The following GTSE1 variants were observed in gnomAD, a reference collection of about 807,000 sequenced individuals.
GTSE1 encodes the protein G2 and S phase-expressed protein 1.
A neutral mutation model predicts 60.5 loss-of-function variants in GTSE1; 52 were observed. The observed-to-expected ratio is 0.86, with a 90% CI of 0.69 to 1.08. GTSE1 has a LOEUF of 1.08. Ranked by LOEUF, GTSE1 falls within the 50% of genes least tolerant of loss-of-function variation. The pLI, the probability that GTSE1 is intolerant of heterozygous loss-of-function variation, is 0.00. For synonymous variants in GTSE1, 368 were observed against 386.5 expected, an observed-to-expected ratio of 0.95 and a Z score of 0.56; for missense variants, 937 against 961.8, an observed-to-expected ratio of 0.97 and a Z score of 0.34.
At chr22:46,306,460 C>G (rs184490141) in intron 2 of GTSE1, among the ~76,000 whole-genome samples, 1 of 148,708 alleles carries the variant, frequency 6.7e-6, no homozygotes, top group African/African-American at 2.5e-5. Flanking sequence ...GGATTACAGG[C>G]GTGAGCCATT....
Position 46,309,008 on chromosome 22 carries a change from G to C in GTSE1, c.762+65G>C, listed in dbSNP as rs563452761. On this transcript the variant is annotated intron_variant, in intron 4 of 11. Coordinates refer to ENST00000454366, the MANE Select transcript of GTSE1 (RefSeq NM_016426.7). The surrounding 1 kb of genome is among the most constrained non-coding windows in gnomAD (Gnocchi z 6.2). ...CTCCTTGCCCCTCAGCCCTCTCACA[G>C]AAGCCACATGCGGAAAGCCTCAGAG... 3 of 1,516,734 alleles carry C rather than the reference G, an allele frequency of 2.0e-6. No individual in the cohort carries two copies. Among genetic ancestry groups the C allele is most frequent in the South Asian group, 2.6e-5 (2 of 77,692 alleles). The allele number at this position is 1,516,734 out of a possible 1,614,324, so 94.0% of individuals were successfully genotyped here. A position where few individuals can be genotyped will look rare whatever the true frequency, so the allele number is the denominator to read the frequency against.
Position 46,305,733 on chromosome 22 carries a change from C to T in GTSE1, c.80-2417C>T, listed in dbSNP as rs538706262. On this transcript the variant is annotated intron_variant, in intron 2 of 11. Transcript: ENST00000454366. The stretch of plus-strand genomic sequence containing the variant: ...ACCAGCCTGGCCAACATGGTGAAAC[C>T]GCATCTCTACTAAAAATACGAAAAT... Among the ~76,000 whole-genome samples, 7 of 151,892 alleles carry T rather than the reference C, an allele frequency of 4.6e-5. No individual in the cohort carries two copies. In the East Asian group the frequency reaches 5.8e-4, roughly 13 times the overall value.
intron 6 of GTSE1, among the ~76,000 whole-genome samples, chr22:46,315,032 G>A (rs1472071424): frequency 6.6e-6 from 1 of 151,076 alleles, no homozygotes; most frequent in Admixed American, 6.6e-5. Context: ...GGGACTACAG[G>A]CACATGCCAC....
Position 46,330,236 on chromosome 22 carries a change from C to T in GTSE1, c.*106C>T, listed in dbSNP as rs1055655734. The T allele has an allele frequency of 4.2e-6, 3 of 711,342 alleles. No homozygotes were observed. The Admixed American group carries it at 6.3e-5, about 15-fold the overall frequency. 44.1% of individuals were successfully genotyped at this position (711,342 alleles called of 1,614,324 possible). ...GTGGCTTACACTTGTAACCCTAGAA[C>T]TTGGGAGGCTGAGGTGGGCGGATTA... is the stretch of plus-strand genomic sequence containing the variant. On this transcript the variant is annotated 3_prime_UTR_variant, in exon 12 of 12. Transcript: ENST00000454366. This position sits in a 1 kb window ranked among gnomAD's most constrained non-coding sequence, Gnocchi z 6.0.
chr22:46,299,555 C>T (rs1336310638), intron 2 of GTSE1, among the ~76,000 whole-genome samples: 1 of 152,222 alleles, frequency 6.6e-6, no homozygotes, highest in Non-Finnish European at 1.5e-5. Context: ...CACCAGCTAA[C>T]GTCTTCTCCA....
At position 46,324,913 on chromosome 22, in the gene GTSE1, G is replaced by A. The variant is rs763830790; in HGVS notation, c.1506-1523G>A. 1.3e-5 allele frequency among the ~76,000 whole-genome samples: 2 copies of A among 152,192 alleles called. No individual in the cohort carries two copies. Among genetic ancestry groups the A allele is most frequent in the Non-Finnish European group, 2.9e-5 (2 of 68,036 alleles). On this transcript the variant is annotated intron_variant, in intron 8 of 11. Transcript: ENST00000454366. This position sits in a 1 kb window ranked among gnomAD's most constrained non-coding sequence, Gnocchi z 5.2. ...AACAATTGCCCAGAATAGAGCAATA[G>A]ACAGGTCTCCCTGGCCTCCCGAGGG...
chr22:46,303,312 C>A (rs1437716806), intron 2 of GTSE1, among the ~76,000 whole-genome samples: 2 of 152,192 alleles, frequency 1.3e-5, no homozygotes, highest in Admixed American at 1.3e-4. Context: ...TCTTTCGTTG[C>A]TGCTAGAAAC....
In GTSE1 at chr22:46,317,055, G is replaced by A. The variant is rs184086449; in HGVS notation, c.1432+643G>A. ...CAGCGCACTGTAACCTCCACCTACCGAGTTCAAGCAATTCTCCTGCCTCAG... is the reference window on the plus strand; with the variant it reads ...CAGCGCACTGTAACCTCCACCTACCAAGTTCAAGCAATTCTCCTGCCTCAG... On this transcript the variant is annotated intron_variant, in intron 7 of 11. Transcript: ENST00000454366. The surrounding 1 kb of genome is among the most constrained non-coding windows in gnomAD (Gnocchi z 5.6). Among the ~76,000 whole-genome samples the A allele has an allele frequency of 4.6e-5, 7 of 152,040 alleles. No individual in the cohort carries two copies. The highest frequency in any genetic ancestry group is 2.1e-4 in the South Asian group (1 of 4,818).
intron 2 of GTSE1, among the ~76,000 whole-genome samples, chr22:46,303,123 A>G (rs1429842023): frequency 6.6e-6 from 1 of 151,022 alleles, no homozygotes; most frequent in Non-Finnish European, 1.5e-5. Context: ...GATGGTCTCG[A>G]TCTCCTGACC....
chr22:46,321,431 C>G lies in GTSE1; in HGVS notation c.1433-1759C>G, dbSNP rs1046663879. 6.6e-6 allele frequency among the ~76,000 whole-genome samples: 1 copy of G among 152,110 alleles called. No individual in the cohort carries two copies. The highest frequency in any genetic ancestry group is 1.5e-5 in the Non-Finnish European group (1 of 68,022). The stretch of plus-strand genomic sequence containing the variant: ...GTAAGAAAGAAAAGAAACAAACAAA[C>G]TGAAAACGGAGGTGGAGAGAGGGTG... On this transcript the variant is annotated intron_variant, in intron 7 of 11. Transcript: ENST00000454366. This position sits in a 1 kb window ranked among gnomAD's most constrained non-coding sequence, Gnocchi z 4.0.
In GTSE1 at chr22:46,313,812, C is replaced by T. The variant is rs1275421090; in HGVS notation, c.928-78C>T. 4 of 1,556,950 alleles carry T rather than the reference C, an allele frequency of 2.6e-6. No individual in the cohort carries two copies. The highest frequency in any genetic ancestry group is 3.5e-6 in the Non-Finnish European group (4 of 1,133,386). ...GTGAGCCACCGTGCCCAGCCAAAAA[C>T]CCCTTACTTTTGCAGACACAAGTAA... is the stretch of plus-strand genomic sequence containing the variant. On this transcript the variant is annotated intron_variant, in intron 5 of 11. Transcript: ENST00000454366. The surrounding 1 kb of genome is among the most constrained non-coding windows in gnomAD (Gnocchi z 4.4).
intron 5 of GTSE1, among the ~76,000 whole-genome samples, chr22:46,312,561 C>T (rs1377611053): frequency 3.3e-5 from 5 of 151,446 alleles, no homozygotes; most frequent in Non-Finnish European, 7.4e-5. Context: ...ATTGCTTGAG[C>T]CCAGGAGGTC....
chr22:46,330,284 C>A lies in GTSE1; in HGVS notation c.*154C>A. Reference sequence around the variant, plus strand: ...TTACTTGAGCCCAGGAGTTCGGGACCAGCCTGGGAAATATAGTGAAACTCC... The same window carrying A: ...TTACTTGAGCCCAGGAGTTCGGGACAAGCCTGGGAAATATAGTGAAACTCC... On this transcript the variant is annotated 3_prime_UTR_variant, in exon 12 of 12. Coordinates refer to ENST00000454366, the MANE Select transcript of GTSE1 (RefSeq NM_016426.7). The surrounding 1 kb of genome is among the most constrained non-coding windows in gnomAD (Gnocchi z 6.0). 1.7e-6 allele frequency: 1 copy of A among 597,478 alleles called. No homozygotes were observed. The highest frequency in any genetic ancestry group is 3.0e-6 in the Non-Finnish European group (1 of 329,116). The allele number at this position is 597,478 out of a possible 1,614,324, so 37.0% of individuals were successfully genotyped here.
rs1458151769 is a variant in GTSE1 at position 46,320,520 on chromosome 22, T to C, written c.1433-2670T>C. On this transcript the variant is annotated intron_variant, in intron 7 of 11. Coordinates refer to ENST00000454366, the MANE Select transcript of GTSE1 (RefSeq NM_016426.7). The surrounding 1 kb of genome is among the most constrained non-coding windows in gnomAD (Gnocchi z 7.1). ...CTGAGAGCACTGGTGGTGTTGCTCATTGGCTGTGACACCAGCTGTCACCGT... is the reference window on the plus strand; with the variant it reads ...CTGAGAGCACTGGTGGTGTTGCTCACTGGCTGTGACACCAGCTGTCACCGT... Among the ~76,000 whole-genome samples the C allele has an allele frequency of 6.6e-6, 1 of 152,124 alleles. No homozygotes were observed.
rs965407183 is a variant in GTSE1 at position 46,317,949 on chromosome 22, T to G, written c.1432+1537T>G. Among the ~76,000 whole-genome samples, 18 of 152,242 alleles carry G rather than the reference T, an allele frequency of 1.2e-4. No individual in the cohort carries two copies. The highest frequency in any genetic ancestry group is 4.1e-4 in the African/African-American group (17 of 41,464). The stretch of plus-strand genomic sequence containing the variant: ...CTCTTGACCTTGAGGACTCCTGCCC[T>G]GCACCTGTGCACTGCCTGGTGCTCA... On this transcript the variant is annotated intron_variant, in intron 7 of 11. Coordinates refer to ENST00000454366, the MANE Select transcript of GTSE1 (RefSeq NM_016426.7). This position sits in a 1 kb window ranked among gnomAD's most constrained non-coding sequence, Gnocchi z 5.6.
At chr22:46,307,278 T>G (rs994622863) in intron 2 of GTSE1, among the ~76,000 whole-genome samples, 1 of 152,208 alleles carries the variant, frequency 6.6e-6, no homozygotes, top group Non-Finnish European at 1.5e-5. Flanking sequence ...TTGAGTAATA[T>G]TAAATTCATT....
intron 2 of GTSE1, among the ~76,000 whole-genome samples, chr22:46,303,686 G>A (rs910106475): frequency 6.6e-6 from 1 of 152,188 alleles, no homozygotes; most frequent in Non-Finnish European, 1.5e-5. Flanking sequence ...GGTAGTCGTA[G>A]GTGTGCTATT....
rs765215754 is a variant in GTSE1, at chr22:46,329,854, G to C, written c.2137-193G>C. On this transcript the variant is annotated intron_variant, in intron 11 of 11. Transcript: ENST00000454366. This position sits in a 1 kb window ranked among gnomAD's most constrained non-coding sequence, Gnocchi z 6.4. The stretch of plus-strand genomic sequence containing the variant: ...GGACAGAGGAATGTGCATGGTGGGG[G>C]CCTGGGCTTCTCCGTGTGTGTCCTG... Among the ~76,000 whole-genome samples the C allele has an allele frequency of 6.6e-6, 1 of 152,224 alleles. No individual in the cohort carries two copies.
intron 7 of GTSE1, 107 bp from the exon 8 acceptor site, chr22:46,323,083 G>A (rs901499645): frequency 2.4e-5 from 19 of 794,184 alleles, no homozygotes; most frequent in Non-Finnish European, 4.4e-5. Context: ...CACTCAAGTT[G>A]GGACAGTGGA....
Sources: allele counts gnomAD v4.1 joint callset (sites outside exome capture counted in the v4.1 genomes callset), GRCh38; gene constraint gnomAD v4.1.1; non-coding constraint Gnocchi (gnomAD v3.1); transcripts MANE v1.5; gene names NCBI Gene and HGNC (gene_info 2026-07-23, HGNC 2026-07-21).